The following MCC variants were observed in gnomAD, a reference collection of about 807,000 sequenced individuals.
MCC encodes the protein MCC regulator of Wnt signaling pathway.
Under a neutral mutation model 116.2 loss-of-function variants are expected in MCC, and 90 were observed. The observed-to-expected ratio is 0.77, with a 90% CI of 0.65 to 0.92. The LOEUF (loss-of-function observed/expected upper bound fraction) is 0.92. MCC is among the 40% of genes least tolerant of loss of function. The pLI, the probability that MCC is intolerant of heterozygous loss-of-function variation, is 0.00. For synonymous variants in MCC, 578 were observed against 510.5 expected (o/e 1.13, Z -1.78); for missense variants, 1,516 against 1,312.2 (o/e 1.16, Z -2.40).
At chr5:113,411,006 T>C (rs184312590) in intron 1 of MCC, among the ~76,000 whole-genome samples, 140 of 152,338 alleles carry the variant, frequency 9.2e-4, no homozygotes, top group East Asian at 3.7e-3. Context: ...CAGTCTATCA[T>C]TGATGGACAT....
chr5:113,479,151 T>A (rs1420676400), intron 1 of MCC, among the ~76,000 whole-genome samples: 1 of 152,236 alleles, frequency 6.6e-6, no homozygotes, highest in African/African-American at 2.4e-5. Context: ...AAAAAGGAAC[T>A]ACTGATATAT....
chr5:113,149,269 C>G (rs1395683099), intron 4 of MCC, among the ~76,000 whole-genome samples: 1 of 151,294 alleles, frequency 6.6e-6, no homozygotes, highest in Non-Finnish European at 1.5e-5. Context: ...ACAAAAAAAG[C>G]ACTGAAAAAG....
intron 17 of MCC, among the ~76,000 whole-genome samples, chr5:113,033,513 G>T (rs1270667367): frequency 6.6e-6 from 1 of 152,154 alleles, no homozygotes; most frequent in Non-Finnish European, 1.5e-5. Context: ...ATTTAAATTT[G>T]CTTAGCCTTT....
At chr5:113,070,463 T>G (rs941518010) in intron 12 of MCC, among the ~76,000 whole-genome samples, 3 of 152,046 alleles carry the variant, frequency 2.0e-5, no homozygotes, top group African/African-American at 7.3e-5. Flanking sequence ...GTTATTTAAA[T>G]TGACTTGTTT....
At chr5:113,445,020 T>TA (rs2150417373) in intron 1 of MCC, among the ~76,000 whole-genome samples, 1 of 152,282 alleles carries the variant, frequency 6.6e-6, no homozygotes, top group South Asian at 2.1e-4. Context: ...TGCAGTCTCT[T>TA]AAAAACAAAA....
intron 6 of MCC, among the ~76,000 whole-genome samples, chr5:113,116,980 G>C (rs1757432807): frequency 2.6e-5 from 4 of 152,230 alleles, no homozygotes; most frequent in Admixed American, 6.5e-5. Flanking sequence ...GGCTTGGCCT[G>C]TTACATGAAC....
chr5:113,312,670 C>T (rs1488690211), intron 3 of MCC, among the ~76,000 whole-genome samples: 1 of 152,208 alleles, frequency 6.6e-6, no homozygotes, highest in East Asian at 1.9e-4. Flanking sequence ...ATCCAAAGAA[C>T]TATGAGAACT....
At chr5:113,129,257 G>A (rs1009879730) in intron 5 of MCC, among the ~76,000 whole-genome samples, 6 of 152,108 alleles carry the variant, frequency 3.9e-5, no homozygotes, top group Non-Finnish European at 5.9e-5. Context: ...AAGATCAACT[G>A]TCTGCAGGGT....
intron 2 of MCC, among the ~76,000 whole-genome samples, chr5:113,374,025 T>G (rs1319706059): frequency 6.6e-6 from 1 of 152,010 alleles, no homozygotes; most frequent in East Asian, 1.9e-4. Context: ...GCCTCCTGGG[T>G]AGCTGGGACC....
intron 3 of MCC, among the ~76,000 whole-genome samples, chr5:113,196,576 C>A (rs373168603): frequency 6.6e-6 from 1 of 152,130 alleles, no homozygotes. Context: ...CTCGGTCGGG[C>A]GCAGTGGCTC....
intron 3 of MCC, among the ~76,000 whole-genome samples, chr5:113,325,814 T>C (rs960044403): frequency 2.0e-5 from 3 of 152,148 alleles, no homozygotes; most frequent in African/African-American, 7.2e-5. Flanking sequence ...AACACTGACA[T>C]GGTTTTACTC....
At chr5:113,103,929 T>C (rs746952797) in intron 7 of MCC, among the ~76,000 whole-genome samples, 2 of 152,194 alleles carry the variant, frequency 1.3e-5, no homozygotes, top group African/African-American at 2.4e-5. Flanking sequence ...ATACTAGCAG[T>C]CGAATGGTTT....
intron 2 of MCC, among the ~76,000 whole-genome samples, chr5:113,346,932 GT>G (rs1360579639): frequency 6.7e-6 from 1 of 149,032 alleles, no homozygotes; most frequent in Non-Finnish European, 1.5e-5. Flanking sequence ...CATATTTAAA[GT>G]GCTGAAGGAA....
chr5:113,050,911 C>T (rs1752439641), intron 15 of MCC, among the ~76,000 whole-genome samples: 1 of 152,216 alleles, frequency 6.6e-6, no homozygotes, highest in Admixed American at 6.5e-5. Flanking sequence ...AGCTCAGACC[C>T]CTACGGGAGC....
intron 2 of MCC, among the ~76,000 whole-genome samples, chr5:113,355,726 A>G (rs1296427373): frequency 6.6e-6 from 1 of 152,080 alleles, no homozygotes; most frequent in African/African-American, 2.4e-5. Context: ...GTCTCTACTT[A>G]TAAGGGCCCT....
At chr5:113,290,305 A>G (rs976130727) in intron 3 of MCC, among the ~76,000 whole-genome samples, 3 of 152,212 alleles carry the variant, frequency 2.0e-5, no homozygotes, top group African/African-American at 7.2e-5. Flanking sequence ...AGGGGCATCC[A>G]ATGTTTCCAA....
intron 1 of MCC, among the ~76,000 whole-genome samples, chr5:113,426,436 A>T (rs534319592): frequency 1.9e-4 from 29 of 152,346 alleles, no homozygotes; most frequent in African/African-American, 6.7e-4. Context: ...GTTATGCTGT[A>T]TCCACACAAT....
intron 11 of MCC, among the ~76,000 whole-genome samples, chr5:113,078,249 C>T (rs1754598915): frequency 1.3e-5 from 2 of 152,198 alleles, no homozygotes; most frequent in Non-Finnish European, 2.9e-5. Context: ...GGTATCATTC[C>T]TTCTGAAACT....
intron 3 of MCC, among the ~76,000 whole-genome samples, chr5:113,179,206 A>C (rs1761488376): frequency 6.6e-6 from 1 of 152,110 alleles, no homozygotes; most frequent in Non-Finnish European, 1.5e-5. Flanking sequence ...TCCATATAGC[A>C]CCATTAATCT....
Sources: gnomAD v4.1 joint callset for allele counts (sites outside exome capture counted in the v4.1 genomes callset) on GRCh38, gnomAD v4.1.1 for gene constraint, MANE v1.5 for transcripts, NCBI Gene and HGNC (gene_info 2026-07-23, HGNC 2026-07-21) for gene names.